Variants in PTPRD observed in about 807,000 individuals in gnomAD.
PTPRD encodes receptor-type tyrosine-protein phosphatase delta.
In PTPRD, 34 loss-of-function variants were observed where a neutral mutation model predicts 214.5. The observed-to-expected ratio is 0.16, with a 90% CI of 0.12 to 0.21. The LOEUF is 0.21. Among genes scored for constraint, PTPRD ranks in the 10% least tolerant of loss-of-function variants. The pLI, the probability that PTPRD is intolerant of heterozygous loss-of-function variation, is 1.00. For missense variants in PTPRD, 2,545 were observed against 2,398.7 expected (o/e 1.06, Z -1.27); for synonymous variants, 1,128 against 845.7 (o/e 1.33, Z -5.79).
intron 3 of PTPRD, among the ~76,000 whole-genome samples, chr9:10,166,010 T>C (rs982326768): frequency 1.3e-5 from 2 of 149,890 alleles, no homozygotes; most frequent in African/African-American, 2.4e-5. Context: ...AAAGTATTTA[T>C]ATATAATACA....
chr9:10,227,539 T>C (rs1448657941), intron 3 of PTPRD, among the ~76,000 whole-genome samples: 2 of 151,980 alleles, frequency 1.3e-5, no homozygotes, highest in Admixed American at 6.6e-5. Flanking sequence ...CTTAACTGCA[T>C]TGCCCGTTTG....
At chr9:8,825,585 A>C (rs1345674916) in intron 11 of PTPRD, among the ~76,000 whole-genome samples, 3 of 152,224 alleles carry the variant, frequency 2.0e-5, no homozygotes. Flanking sequence ...CAAAGTTTAA[A>C]AGAGAGGGTT....
At chr9:8,364,165 G>A (rs75974160) in intron 39 of PTPRD, among the ~76,000 whole-genome samples, 1,852 of 152,320 alleles carry the variant, frequency 0.012, 20 homozygotes, top group Middle Eastern at 0.027. Flanking sequence ...GTTTGCAAGT[G>A]CAAGAAATAG....
intron 5 of PTPRD, among the ~76,000 whole-genome samples, chr9:9,805,078 T>C (rs1328968745): frequency 6.6e-6 from 1 of 152,084 alleles, no homozygotes; most frequent in Non-Finnish European, 1.5e-5. Context: ...CACTCTCTTT[T>C]AATTAGAAAA....
At chr9:9,689,871 T>C (rs1336396952) in intron 7 of PTPRD, among the ~76,000 whole-genome samples, 12 of 151,920 alleles carry the variant, frequency 7.9e-5, no homozygotes, top group Admixed American at 2.0e-4. Flanking sequence ...ATTTTCGTTA[T>C]CCATTCATCC....
At chr9:9,340,468 A>G (rs1285981169) in intron 9 of PTPRD, among the ~76,000 whole-genome samples, 1 of 152,222 alleles carries the variant, frequency 6.6e-6, no homozygotes, top group African/African-American at 2.4e-5. Context: ...GTTCAAATGT[A>G]GGAATGACAC....
chr9:8,463,175 T>C (rs985277876), intron 32 of PTPRD, among the ~76,000 whole-genome samples: 3 of 151,782 alleles, frequency 2.0e-5, no homozygotes, highest in Non-Finnish European at 4.4e-5. Flanking sequence ...TTCCACTGAA[T>C]GCTTGTATAC....
chr9:10,293,243 T>C (rs535527160), intron 3 of PTPRD, among the ~76,000 whole-genome samples: 1 of 152,022 alleles, frequency 6.6e-6, no homozygotes, highest in East Asian at 1.9e-4. Flanking sequence ...GGGGTTTTCC[T>C]GAAAGAGGTA....
intron 3 of PTPRD, among the ~76,000 whole-genome samples, chr9:10,208,185 T>G (rs1028849446): frequency 6.6e-6 from 1 of 152,202 alleles, no homozygotes; most frequent in Non-Finnish European, 1.5e-5. Flanking sequence ...TATCATAAAC[T>G]CTATTTGATA....
chr9:9,915,112 A>G (rs2080326362), intron 5 of PTPRD, among the ~76,000 whole-genome samples: 2 of 152,128 alleles, frequency 1.3e-5, no homozygotes, highest in Admixed American at 6.5e-5. Flanking sequence ...CAACTTGCAA[A>G]TGCCTTTAGC....
At chr9:10,144,025 AC>A (rs1247475405) in intron 3 of PTPRD, among the ~76,000 whole-genome samples, 1 of 152,070 alleles carries the variant, frequency 6.6e-6, no homozygotes, top group African/African-American at 2.4e-5. Context: ...TTTGTAATAA[AC>A]CTGTGATTGT....
At chr9:9,766,573 A>T (rs557984564) in intron 6 of PTPRD, among the ~76,000 whole-genome samples, 1 of 152,254 alleles carries the variant, frequency 6.6e-6, no homozygotes, top group South Asian at 2.1e-4. Context: ...CATTAGTGTT[A>T]ACAGTTCTTT....
intron 8 of PTPRD, among the ~76,000 whole-genome samples, chr9:9,529,900 A>G (rs1251923776): frequency 6.6e-6 from 1 of 151,926 alleles, no homozygotes; most frequent in Non-Finnish European, 1.5e-5. Context: ...TACACAAAAT[A>G]TTTGAGTATT....
intron 4 of PTPRD, among the ~76,000 whole-genome samples, chr9:9,948,719 G>T (rs1415941181): frequency 6.6e-6 from 1 of 151,888 alleles, no homozygotes; most frequent in African/African-American, 2.4e-5. Context: ...AGTAATTCTA[G>T]GGGCATTGTT....
At chr9:9,207,097 G>A (rs2099945341) in intron 9 of PTPRD, among the ~76,000 whole-genome samples, 1 of 152,108 alleles carries the variant, frequency 6.6e-6, no homozygotes, top group African/African-American at 2.4e-5. Flanking sequence ...TGCTGATGGA[G>A]TCCATGTGGT....
At chr9:8,396,577 G>C (rs1214742285) in intron 36 of PTPRD, among the ~76,000 whole-genome samples, 1 of 152,040 alleles carries the variant, frequency 6.6e-6, no homozygotes, top group Non-Finnish European at 1.5e-5. Flanking sequence ...CTCACTCCCA[G>C]AGCTTTCTGA....
intron 11 of PTPRD, among the ~76,000 whole-genome samples, chr9:8,945,472 T>G (rs1227632246): frequency 6.6e-6 from 1 of 152,046 alleles, no homozygotes; most frequent in Non-Finnish European, 1.5e-5. Context: ...CTTTATTACT[T>G]TGCACCTGGC....
chr9:9,379,121 G>C (rs900052546), intron 9 of PTPRD, among the ~76,000 whole-genome samples: 1 of 150,320 alleles, frequency 6.7e-6, no homozygotes, highest in Admixed American at 6.7e-5. Context: ...TTTTCTCTGA[G>C]TTTTATAGTT....
intron 9 of PTPRD, among the ~76,000 whole-genome samples, chr9:9,322,432 C>A (rs1966895430): frequency 6.6e-6 from 1 of 152,140 alleles, no homozygotes; most frequent in South Asian, 2.1e-4. Context: ...TAACACATTT[C>A]CAAGTCACGT....
Sources: gnomAD v4.1 joint callset for allele counts (sites outside exome capture counted in the v4.1 genomes callset) on GRCh38, gnomAD v4.1.1 for gene constraint, MANE v1.5 for transcripts, NCBI Gene and HGNC (gene_info 2026-07-23, HGNC 2026-07-21) for gene names.